The following RASAL2 variants were observed in gnomAD, a reference collection of about 807,000 sequenced individuals.
The protein encoded by RASAL2 is ras GTPase-activating protein nGAP.
In RASAL2, 58 loss-of-function variants were observed where a neutral mutation model predicts 128.9. The observed-to-expected ratio is 0.45, with a 90% CI of 0.36 to 0.56. RASAL2 has a LOEUF of 0.56. RASAL2 is among the 20% of genes least tolerant of loss of function. The pLI is 0.00. For missense variants in RASAL2, 1,360 were observed against 1,601.6 expected (o/e 0.85, Z 2.57); for synonymous variants, 561 against 580.8 (o/e 0.97, Z 0.49).
intron 4 of RASAL2, among the ~76,000 whole-genome samples, chr1:178,398,273 C>T (rs1051837691): frequency 2.6e-5 from 4 of 152,044 alleles, no homozygotes; most frequent in Non-Finnish European, 5.9e-5. Context: ...GAGAAAAAAG[C>T]TAATTTACAG....
chr1:178,411,714 C>T, intron 4 of RASAL2: 1 of 810,330 alleles, frequency 1.2e-6, no homozygotes. Flanking sequence ...GCAAAGAAAC[C>T]ATCTGCCGTG....
intron 5 of RASAL2, among the ~76,000 whole-genome samples, chr1:178,436,929 T>A (rs1676292590): frequency 6.6e-6 from 1 of 152,082 alleles, no homozygotes; most frequent in Non-Finnish European, 1.5e-5. Context: ...CTCTTTTCTA[T>A]TGCCTTTTAC....
chr1:178,439,406 C>T lies in RASAL2; in HGVS notation c.675-16C>T, dbSNP rs1422671640. The T allele has an allele frequency of 5.0e-6, 8 of 1,592,670 alleles. No individual in the cohort carries two copies. Among genetic ancestry groups the T allele is most frequent in the Non-Finnish European group, 6.8e-6 (8 of 1,170,488 alleles). ...GGCCAAGTTACACTACCTTAAATAT[C>T]TTTTTCTACTTTTAGGTCTCGTGGG... is the stretch of plus-strand genomic sequence containing the variant. On this transcript the variant is annotated splice_polypyrimidine_tract_variant and intron_variant, in intron 5 of 17. Coordinates refer to ENST00000367649, the MANE Select transcript of RASAL2 (RefSeq NM_170692.4).
At chr1:178,114,522 GT>G (rs560913048) in intron 1 of RASAL2, among the ~76,000 whole-genome samples, 16,157 of 144,490 alleles carry the variant, frequency 0.11, 1,067 homozygotes, top group African/African-American at 0.19. Context: ...GATTTTTGAG[GT>G]TTTTTTTTTT....
chr1:178,358,736 G>T (rs1433646326), intron 3 of RASAL2, among the ~76,000 whole-genome samples: 1 of 152,096 alleles, frequency 6.6e-6, no homozygotes, highest in African/African-American at 2.4e-5. Flanking sequence ...TGCTGAAGTT[G>T]AACATTTATA....
chr1:178,387,621 A>G (rs975482863), intron 3 of RASAL2, among the ~76,000 whole-genome samples: 2 of 150,452 alleles, frequency 1.3e-5, no homozygotes, highest in East Asian at 2.0e-4. Flanking sequence ...GAGAACATGC[A>G]GTGTTTGGTT....
intron 1 of RASAL2, among the ~76,000 whole-genome samples, chr1:178,247,836 C>T (rs1308380187): frequency 6.6e-6 from 1 of 152,170 alleles, no homozygotes; most frequent in Non-Finnish European, 1.5e-5. Flanking sequence ...ACGCAGTAGT[C>T]ATGCAGGAGC....
intron 14 of RASAL2, among the ~76,000 whole-genome samples, chr1:178,460,609 T>TA (rs896185752): frequency 5.1e-4 from 77 of 151,926 alleles, no homozygotes; most frequent in African/African-American, 1.7e-3. Flanking sequence ...ACCAAATATA[T>TA]TTTTTGGCAT....
At chr1:178,181,548 G>A (rs769759035) in intron 1 of RASAL2, among the ~76,000 whole-genome samples, 2 of 151,940 alleles carry the variant, frequency 1.3e-5, no homozygotes, top group South Asian at 2.1e-4. Flanking sequence ...TAGTAGAGAC[G>A]GGGTTTCACC....
At chr1:178,238,276 A>G (rs1198011553) in intron 1 of RASAL2, among the ~76,000 whole-genome samples, 2 of 152,128 alleles carry the variant, frequency 1.3e-5, no homozygotes, top group South Asian at 2.1e-4. Flanking sequence ...CTGACTTTCT[A>G]TTGTATGGAT....
intron 1 of RASAL2, among the ~76,000 whole-genome samples, chr1:178,252,915 C>G (rs1301748355): frequency 6.6e-6 from 1 of 152,178 alleles, no homozygotes; most frequent in South Asian, 2.1e-4. Flanking sequence ...TCTCAATCTA[C>G]CAGTAACTGG....
intron 1 of RASAL2, among the ~76,000 whole-genome samples, chr1:178,151,389 A>G (rs1660910753): frequency 6.6e-6 from 1 of 152,204 alleles, no homozygotes; most frequent in Non-Finnish European, 1.5e-5. Context: ...TGCGCAACAG[A>G]GTGAGACTCT....
intron 4 of RASAL2, among the ~76,000 whole-genome samples, chr1:178,420,215 AG>A (rs1361425134): frequency 6.6e-6 from 1 of 152,202 alleles, no homozygotes; most frequent in East Asian, 1.9e-4. Flanking sequence ...TGTGCTTTTT[AG>A]AAATCTACCA....
intron 11 of RASAL2, among the ~76,000 whole-genome samples, chr1:178,452,887 AC>A (rs1677484378): frequency 6.6e-6 from 1 of 152,202 alleles, no homozygotes; most frequent in Admixed American, 6.5e-5. Context: ...GTTTACAAAA[AC>A]TATCTAATAA....
intron 9 of RASAL2, among the ~76,000 whole-genome samples, chr1:178,446,340 G>A (rs1019055260): frequency 6.6e-6 from 1 of 152,112 alleles, no homozygotes; most frequent in African/African-American, 2.4e-5. Context: ...CTGTTGAGCA[G>A]CACTGTCCGA....
chr1:178,152,901 C>A (rs1446340874), intron 1 of RASAL2, among the ~76,000 whole-genome samples: 1 of 152,146 alleles, frequency 6.6e-6, no homozygotes, highest in Non-Finnish European at 1.5e-5. Flanking sequence ...CAGTATATAT[C>A]TCTAAAAGAT....
At chr1:178,214,270 AGAATGAAT>A (rs527500791) in intron 1 of RASAL2, among the ~76,000 whole-genome samples, 11 of 152,156 alleles carry the variant, frequency 7.2e-5, no homozygotes, top group African/African-American at 2.4e-4. Context: ...TGAGAACCTT[AGAATGAAT>A]GAATGAATGA....
chr1:178,337,812 A>G (rs1669669767), intron 3 of RASAL2, among the ~76,000 whole-genome samples: 1 of 151,562 alleles, frequency 6.6e-6, no homozygotes, highest in Admixed American at 6.6e-5. Flanking sequence ...GCTCACTGCA[A>G]TCTCCTTCTC....
At chr1:178,358,819 T>C (rs1010590921) in intron 3 of RASAL2, among the ~76,000 whole-genome samples, 3 of 152,166 alleles carry the variant, frequency 2.0e-5, no homozygotes, top group African/African-American at 7.2e-5. Context: ...AAAGAAGACA[T>C]TTGCAAGGAT....
Sources: gnomAD v4.1 joint callset for allele counts (sites outside exome capture counted in the v4.1 genomes callset) on GRCh38, gnomAD v4.1.1 for gene constraint, MANE v1.5 for transcripts, NCBI Gene and HGNC (gene_info 2026-07-23, HGNC 2026-07-21) for gene names.